ZSCAN29: variants seen among roughly 807,000 people sequenced by gnomAD.
ZSCAN29 encodes the protein zinc finger and SCAN domain-containing protein 29.
In ZSCAN29, 55 loss-of-function variants were observed where a neutral mutation model predicts 71.9. The observed-to-expected ratio is 0.76, with a 90% CI of 0.62 to 0.96. The LOEUF (loss-of-function observed/expected upper bound fraction) is 0.96. Among genes scored for constraint, ZSCAN29 ranks in the 40% least tolerant of loss-of-function variants. The pLI is 0.00. For synonymous variants in ZSCAN29, 351 were observed against 371.6 expected, an observed-to-expected ratio of 0.94 and a Z score of 0.64; for missense variants, 1,042 against 1,042.2, an observed-to-expected ratio of 1.00 and a Z score of 0.00.
chr15:43,361,491 C>G lies in ZSCAN29; in HGVS notation c.2141G>C (p.Ser714Thr), dbSNP rs1029029875. 1 of 1,614,174 alleles carries G rather than the reference C, an allele frequency of 6.2e-7. No homozygotes were observed. Among genetic ancestry groups the G allele is most frequent in the African/African-American group, 1.3e-5 (1 of 75,048 alleles). Residue 714 changes from serine (S) to threonine (T), a missense_variant, in exon 6 of 6, where the codon AGT becomes ACT. Transcript: ENST00000684362. ...GATGAAATTTGAACTGTCACGGAAA[C>G]TTTTTCCACAGTCAAGACATTTATA... ...KPYKCLDCGK[S>T]FRDSSNFITH...
At position 43,361,461 on chromosome 15, in the gene ZSCAN29, T is replaced by C; in HGVS notation, c.2171A>G (p.His724Arg). ...TTTCTCTCCTGTGTGGATTCTCCTATGGGTGATGAAATTTGAACTGTCACG... is the reference window on the plus strand; with the variant it reads ...TTTCTCTCCTGTGTGGATTCTCCTACGGGTGATGAAATTTGAACTGTCACG... Reference protein sequence around the residue: ...SFRDSSNFITHRRIHTGEKPY... With the variant: ...SFRDSSNFITRRRIHTGEKPY... Residue 724 changes from histidine (H) to arginine (R), a missense_variant, in exon 6 of 6, where the codon CAT becomes CGT. Physicochemically the swap from His to Arg is conservative, Grantham distance 29. Coordinates refer to ENST00000684362, the MANE Select transcript of ZSCAN29 (RefSeq NM_001372080.1). 3 of 1,613,644 alleles carry C rather than the reference T, an allele frequency of 1.9e-6. No individual in the cohort carries two copies. The highest frequency in any genetic ancestry group is 1.1e-5 in the South Asian group (1 of 91,076).
rs867931651 is a variant in ZSCAN29, at chr15:43,369,977, C to G, written c.-64G>C. 6.7e-7 allele frequency: 1 copy of G among 1,486,312 alleles called. No individual in the cohort carries two copies. Among genetic ancestry groups the G allele is most frequent in the Non-Finnish European group, 9.0e-7 (1 of 1,109,958 alleles). 92.1% of individuals were successfully genotyped at this position (1,486,312 alleles called of 1,614,324 possible). On this transcript the variant is annotated 5_prime_UTR_variant, in exon 2 of 6. Transcript: ENST00000684362. ...GGTTCCAGGGCTTACATCTATCTTC[C>G]CATGTCCTTGGAGAATCCCCTGCAG...
chr15:43,368,646 G>A (rs2044063643), intron 3 of ZSCAN29, among the ~76,000 whole-genome samples: 2 of 150,578 alleles, frequency 1.3e-5, no homozygotes, highest in Admixed American at 6.6e-5. Flanking sequence ...GTGCCTTCAA[G>A]TATAGAAAAG....
intron 4 of ZSCAN29, among the ~76,000 whole-genome samples, chr15:43,364,892 C>CAAAAAA (rs57976198): frequency 1.0e-4 from 4 of 38,912 alleles, no homozygotes; most frequent in African/African-American, 1.7e-4. Flanking sequence ...GACTCTGTCT[C>CAAAAAA]AAAAAAAAAA....
intron 3 of ZSCAN29, among the ~76,000 whole-genome samples, chr15:43,367,797 A>G (rs1410810005): frequency 6.6e-6 from 1 of 152,180 alleles, no homozygotes; most frequent in African/African-American, 2.4e-5. Flanking sequence ...AGATTCAGGG[A>G]TTTCATCTGG....
chr15:43,363,687 T>G, intron 5 of ZSCAN29: 1 of 449,510 alleles, frequency 2.2e-6, no homozygotes, highest in Admixed American at 3.8e-5. Flanking sequence ...TCACAGCAAA[T>G]TTACAATGTG....
chr15:43,360,981 C>T lies in ZSCAN29; in HGVS notation c.*92G>A. The stretch of plus-strand genomic sequence containing the variant: ...TCCTAAAGTGAATTTCCTAAGCTAA[C>T]TGGACACAGAATAGTAGATGAATCT... On this transcript the variant is annotated 3_prime_UTR_variant, in exon 6 of 6. Transcript: ENST00000684362. The T allele has an allele frequency of 1.4e-6, 2 of 1,467,942 alleles. No individual in the cohort carries two copies. The highest frequency in any genetic ancestry group is 1.8e-6 in the Non-Finnish European group (2 of 1,097,820). The allele number at this position is 1,467,942 out of a possible 1,614,324, so 90.9% of individuals were successfully genotyped here. A position where few individuals can be genotyped will look rare whatever the true frequency, so the allele number is the denominator to read the frequency against.
In ZSCAN29 at chr15:43,369,969, C is replaced by T; in HGVS notation, c.-56G>A. On this transcript the variant is annotated 5_prime_UTR_variant, in exon 2 of 6. An upstream open reading frame in the 5' UTR loses its in-frame stop. Transcript: ENST00000684362. ...GGAGTCTGGGTTCCAGGGCTTACAT[C>T]TATCTTCCCATGTCCTTGGAGAATC... The T allele has an allele frequency of 6.6e-7, 1 of 1,511,966 alleles. No individual in the cohort carries two copies. 93.7% of individuals were successfully genotyped at this position (1,511,966 alleles called of 1,614,324 possible).
Position 43,369,651 on chromosome 15 carries a change from T to G in ZSCAN29, c.263A>C (p.Glu88Ala). 1 of 1,614,170 alleles carries G rather than the reference T, an allele frequency of 6.2e-7. No individual in the cohort carries two copies. ...TAAATCTTCCACGAGAGTCACTGCC[T>G]CCTCTCCATTTTCTGGACATTGTTC... Reference protein sequence around the residue: ...VQEQCPENGEEAVTLVEDLER... With the variant: ...VQEQCPENGEAAVTLVEDLER... The change falls in exon 2 of 6, where the codon GAG becomes GCG. Residue 88 changes from glutamate (E) to alanine (A), a missense_variant. By Grantham distance (107) the Glu-to-Ala change is moderately radical. Coordinates refer to ENST00000684362, the MANE Select transcript of ZSCAN29 (RefSeq NM_001372080.1).
intron 3 of ZSCAN29, among the ~76,000 whole-genome samples, chr15:43,367,166 C>T (rs1048983091): frequency 1.3e-5 from 2 of 152,162 alleles, no homozygotes; most frequent in African/African-American, 2.4e-5. Context: ...AAGGGGGAAG[C>T]GAGAGAAGAT....
Position 43,361,750 on chromosome 15 carries a change from G to A in ZSCAN29, c.1882C>T (p.Leu628=), listed in dbSNP as rs1307769720. 6.2e-7 allele frequency: 1 copy of A among 1,614,158 alleles called. No individual in the cohort carries two copies. Among genetic ancestry groups the A allele is most frequent in the African/African-American group, 1.3e-5 (1 of 75,026 alleles). Residue 628 remains leucine, a synonymous_variant, in exon 6 of 6, where the codon CTG becomes TTG. Coordinates refer to ENST00000684362, the MANE Select transcript of ZSCAN29 (RefSeq NM_001372080.1). ...CTTAAGCTCTTCTCCGGGAGTGTCA[G>A]TTTTCCTCTTTTCTCCCCTGAGGTC... ...AKTSGEKRGK[L]TLPEKSLSEV... is the part of the protein sequence containing the mutation.
rs749200711 is a variant in ZSCAN29 at position 43,369,709 on chromosome 15, C to G, written c.205G>C (p.Val69Leu). The G allele has an allele frequency of 6.2e-7, 1 of 1,614,248 alleles. No individual in the cohort carries two copies. The highest frequency in any genetic ancestry group is 8.5e-7 in the Non-Finnish European group (1 of 1,180,050). ...ELLVLEQFLTVLPGEIQNWVQ... is the reference protein window; with the variant it reads ...ELLVLEQFLTLLPGEIQNWVQ... The stretch of plus-strand genomic sequence containing the variant: ...CAATTCTGGATCTCCCCAGGTAAGA[C>G]GGTCAGGAACTGCTCTAGCACCAAC... Residue 69 changes from valine to leucine, a missense_variant, in exon 2 of 6, where the codon GTC becomes CTC. Transcript: ENST00000684362.
chr15:43,367,904 T>C (rs2044055076), intron 3 of ZSCAN29, among the ~76,000 whole-genome samples: 1 of 151,956 alleles, frequency 6.6e-6, no homozygotes, highest in African/African-American at 2.4e-5. Flanking sequence ...TTAAGTGAAA[T>C]GGTAACAGAA....
chr15:43,361,822 C>T lies in ZSCAN29; in HGVS notation c.1810G>A (p.Gly604Ser), dbSNP rs1400355489. Reference protein sequence around the residue: ...ERKIPRYLHQGKGNESDCRSG... With the variant: ...ERKIPRYLHQSKGNESDCRSG... ...CTACAGTCACTCTCATTGCCTTTACCCTGATGAAGATACCGGGGAATTTTC... is the reference window on the plus strand; with the variant it reads ...CTACAGTCACTCTCATTGCCTTTACTCTGATGAAGATACCGGGGAATTTTC... The change falls in exon 6 of 6, where the codon GGT (glycine) becomes AGT (serine). Residue 604 changes from glycine to serine, a missense_variant. Physicochemically the swap from Gly to Ser is moderately conservative, Grantham distance 56. Coordinates refer to ENST00000684362, the MANE Select transcript of ZSCAN29 (RefSeq NM_001372080.1). 1.2e-6 allele frequency: 2 copies of T among 1,614,162 alleles called. No homozygotes were observed. The highest frequency in any genetic ancestry group is 1.7e-6 in the Non-Finnish European group (2 of 1,180,036).
chr15:43,366,040 T>C (rs1218302825), intron 4 of ZSCAN29, 70 bp downstream of exon 4: 1 of 1,486,916 alleles, frequency 6.7e-7, no homozygotes, highest in Non-Finnish European at 9.0e-7. Flanking sequence ...CATTAAGCCT[T>C]CTGACTCCAC....
At chr15:43,365,555 GAGACCAGCCTGGGCAACACAGCA>G (rs1196023076) in intron 4 of ZSCAN29, among the ~76,000 whole-genome samples, 1 of 152,138 alleles carries the variant, frequency 6.6e-6, no homozygotes, top group Admixed American at 6.5e-5. Flanking sequence ...TGAACCCAGT[GAGACCAGCCTGGGCAACACAGCA>G]AGACCCTGTC....
In ZSCAN29 at chr15:43,366,732, A is replaced by G. The variant is rs1264813219; in HGVS notation, c.600T>C (p.Ser200=). Residue 200 remains serine (S), a synonymous_variant, in exon 4 of 6, where the codon TCT becomes TCC. Transcript: ENST00000684362. ...TGCCACTTGGAAGTTCTTTCTCCTT[A>G]GAGCCCAGCAGATCTGGGATCCATG... ...GEPWIPDLLG[S]KEKELPSGSH... is the part of the protein sequence containing the mutation. The G allele has an allele frequency of 1.2e-6, 2 of 1,614,216 alleles. No homozygotes were observed. The highest frequency in any genetic ancestry group is 8.5e-7 in the Non-Finnish European group (1 of 1,180,034).
In ZSCAN29 at chr15:43,361,950, A is replaced by C; in HGVS notation, c.1691-9T>G. 3.8e-6 allele frequency: 6 copies of C among 1,595,940 alleles called. No individual in the cohort carries two copies. Among genetic ancestry groups the C allele is most frequent in the Non-Finnish European group, 5.1e-6 (6 of 1,171,710 alleles). Reference sequence around the variant, plus strand: ...AAATCCAGCTTCAAAACCTGATGTAAAACAGAATTTTAGAAGTTATCTATT... The same window carrying C: ...AAATCCAGCTTCAAAACCTGATGTACAACAGAATTTTAGAAGTTATCTATT... On this transcript the variant is annotated splice_polypyrimidine_tract_variant and intron_variant, in intron 5 of 5. Transcript: ENST00000684362.
intron 3 of ZSCAN29, among the ~76,000 whole-genome samples, chr15:43,367,530 A>G (rs1426089909): frequency 1.3e-5 from 2 of 152,112 alleles, no homozygotes; most frequent in Non-Finnish European, 2.9e-5. Context: ...TGCCCTCAAG[A>G]AGCCTTACCG....
Sources: gnomAD v4.1 joint callset for allele counts (sites outside exome capture counted in the v4.1 genomes callset) on GRCh38, gnomAD v4.1.1 for gene constraint, MANE v1.5 for transcripts, NCBI Gene and HGNC (gene_info 2026-07-23, HGNC 2026-07-21) for gene names.